Variants in PDE10A observed in about 807,000 individuals in gnomAD.
The protein encoded by PDE10A is cAMP and cAMP-inhibited cGMP 3',5'-cyclic phosphodiesterase 10A.
PDE10A carries 39 observed loss-of-function variants against 97.7 expected under a neutral mutation model. The ratio of observed to expected loss-of-function variants is 0.40; its 90% CI spans 0.31 to 0.52. PDE10A has a LOEUF of 0.52. Among genes scored for constraint, PDE10A ranks in the 20% least tolerant of loss-of-function variants. The probability of loss-of-function intolerance (pLI) is 0.56; values close to 1 mark genes in which losing one functional copy is unlikely to be tolerated. For synonymous variants in PDE10A, 371 were observed against 376.8 expected, an observed-to-expected ratio of 0.98 and a Z score of 0.18; for missense variants, 731 against 1,047.8, an observed-to-expected ratio of 0.70 and a Z score of 4.17.
intron 21 of PDE10A, among the ~76,000 whole-genome samples, chr6:165,333,510 G>A (rs1388952924): frequency 6.6e-6 from 1 of 152,164 alleles, no homozygotes; most frequent in African/African-American, 2.4e-5. Flanking sequence ...AACACTTGGT[G>A]ACAACACGGA....
At chr6:165,600,445 C>A (rs1244798635) in intron 1 of PDE10A, among the ~76,000 whole-genome samples, 1 of 152,216 alleles carries the variant, frequency 6.6e-6, no homozygotes, top group Non-Finnish European at 1.5e-5. Flanking sequence ...TCTTTCTGTT[C>A]AAGAAACCAA....
chr6:165,686,221 T>C (rs1458388001), intron 1 of PDE10A, among the ~76,000 whole-genome samples: 1 of 151,870 alleles, frequency 6.6e-6, no homozygotes, highest in Non-Finnish European at 1.5e-5. Context: ...CAGCGCTCGC[T>C]ACACTCCAAA....
intron 18 of PDE10A, among the ~76,000 whole-genome samples, chr6:165,374,523 G>T (rs181491448): frequency 6.6e-6 from 1 of 151,984 alleles, no homozygotes; most frequent in Non-Finnish European, 1.5e-5. Flanking sequence ...ATACACAGAA[G>T]TAAGAATAGT....
intron 1 of PDE10A, among the ~76,000 whole-genome samples, chr6:165,738,825 C>T (rs2128452797): frequency 6.6e-6 from 1 of 152,330 alleles, no homozygotes; most frequent in South Asian, 2.1e-4. Context: ...TGAGAAGTGT[C>T]TGTTCATGTC....
At chr6:165,630,085 C>T (rs1454784122) in intron 1 of PDE10A, among the ~76,000 whole-genome samples, 1 of 152,102 alleles carries the variant, frequency 6.6e-6, no homozygotes, top group Non-Finnish European at 1.5e-5. Context: ...CAGTGGCTCT[C>T]GCCTGTAATC....
At chr6:165,437,856 A>T (rs1790133934) in intron 5 of PDE10A, among the ~76,000 whole-genome samples, 1 of 152,194 alleles carries the variant, frequency 6.6e-6, no homozygotes, top group Non-Finnish European at 1.5e-5. Context: ...TTGCCTCCAA[A>T]CAATTTACCT....
chr6:165,780,837 T>A (rs1164717884), intron 1 of PDE10A: 1 of 152,330 alleles, frequency 6.6e-6, no homozygotes, highest in East Asian at 1.9e-4. Context: ...GACTGCTGGA[T>A]GGTTCAGTTC....
intron 1 of PDE10A, among the ~76,000 whole-genome samples, chr6:165,842,106 C>A (rs760388206): frequency 3.9e-5 from 6 of 152,124 alleles, no homozygotes; most frequent in Non-Finnish European, 8.8e-5. Context: ...TGGTTCTTCC[C>A]CCTAAAATTA....
chr6:165,652,328 C>T (rs1789724092), intron 1 of PDE10A, among the ~76,000 whole-genome samples: 2 of 151,676 alleles, frequency 1.3e-5, no homozygotes, highest in South Asian at 4.2e-4. Flanking sequence ...GTGATCATGG[C>T]TCACTGCAGC....
chr6:165,493,016 A>G (rs555250122), intron 2 of PDE10A, among the ~76,000 whole-genome samples: 1 of 152,320 alleles, frequency 6.6e-6, no homozygotes, highest in East Asian at 1.9e-4. Flanking sequence ...ATGTACACAA[A>G]TAAGTAGCCC....
intron 1 of PDE10A, among the ~76,000 whole-genome samples, chr6:165,796,980 A>G (rs1332029551): frequency 1.3e-5 from 2 of 152,196 alleles, no homozygotes; most frequent in African/African-American, 4.8e-5. Context: ...AGTTAGGTAT[A>G]AATAGAATAA....
intron 5 of PDE10A, among the ~76,000 whole-genome samples, chr6:165,442,190 C>CGTGCAG (rs1229160676): frequency 1.3e-5 from 2 of 152,156 alleles, no homozygotes; most frequent in Non-Finnish European, 2.9e-5. Flanking sequence ...ATGTGCACAA[C>CGTGCAG]GTGCAGGTTA....
At chr6:165,415,955 T>C (rs1183384595) in intron 12 of PDE10A, among the ~76,000 whole-genome samples, 1 of 152,248 alleles carries the variant, frequency 6.6e-6, no homozygotes, top group African/African-American at 2.4e-5. Context: ...GTTGTTTTTA[T>C]AACATTCTAA....
At chr6:165,441,973 C>T (rs1300262303) in intron 5 of PDE10A, among the ~76,000 whole-genome samples, 2 of 152,086 alleles carry the variant, frequency 1.3e-5, no homozygotes, top group Non-Finnish European at 1.5e-5. Flanking sequence ...TGTTAGTAAA[C>T]ATAATCCCTC....
At chr6:165,843,039 C>G (rs574583542) in intron 1 of PDE10A, among the ~76,000 whole-genome samples, 1 of 152,178 alleles carries the variant, frequency 6.6e-6, no homozygotes, top group African/African-American at 2.4e-5. Flanking sequence ...TGAAGAAGGC[C>G]GTAGCACAAA....
At chr6:165,656,280 A>T (rs955353083) in intron 1 of PDE10A, among the ~76,000 whole-genome samples, 134 of 138,604 alleles carry the variant, frequency 9.7e-4, no homozygotes, top group African/African-American at 3.2e-3. Context: ...ACACACACAC[A>T]CACACACACA....
At chr6:165,734,007 T>G (rs1228277712) in intron 1 of PDE10A, among the ~76,000 whole-genome samples, 1 of 152,118 alleles carries the variant, frequency 6.6e-6, no homozygotes, top group African/African-American at 2.4e-5. Context: ...GCTTCATGTG[T>G]GTGCACGATG....
In PDE10A at chr6:165,430,699, C is replaced by G. The variant is rs144005496; in HGVS notation, c.1543-354G>C. Reference sequence around the variant, plus strand: ...AGTCGACCCAAGTCTCTCTTTAGAACTACTTTACACTGTATTTCTAAAAAC... The same window carrying G: ...AGTCGACCCAAGTCTCTCTTTAGAAGTACTTTACACTGTATTTCTAAAAAC... On this transcript the variant is annotated intron_variant, in intron 8 of 21. Transcript: ENST00000539869. Among the ~76,000 whole-genome samples the G allele has an allele frequency of 1.4e-3, 207 of 152,234 alleles. 2 individuals are homozygous for G. The highest frequency in any genetic ancestry group is 4.4e-3 in the African/African-American group (183 of 41,550).
chr6:165,586,257 T>C lies in PDE10A; in HGVS notation c.866-42689A>G, dbSNP rs1785906022. 2.0e-5 allele frequency among the ~76,000 whole-genome samples: 3 copies of C among 152,320 alleles called. No individual in the cohort carries two copies. In the South Asian group the frequency reaches 6.2e-4, roughly 32 times the overall value. The stretch of plus-strand genomic sequence containing the variant: ...TTAAAATTATATTTTGTGCCTCAAC[T>C]TCCTCCTTCAGGTCAACAATATAAT... On this transcript the variant is annotated intron_variant, in intron 1 of 21. Coordinates refer to ENST00000539869, the MANE Select transcript of PDE10A (RefSeq NM_001385079.1).
Sources: allele counts gnomAD v4.1 joint callset (sites outside exome capture counted in the v4.1 genomes callset), GRCh38; gene constraint gnomAD v4.1.1; transcripts MANE v1.5; gene names NCBI Gene and HGNC (gene_info 2026-07-23, HGNC 2026-07-21).